Variants in CDH13 observed in about 807,000 individuals in gnomAD.
CDH13 encodes the protein cadherin 13.
CDH13 carries 24 observed loss-of-function variants against 63.8 expected under a neutral mutation model. The ratio of observed to expected loss-of-function variants is 0.38; its 90% CI spans 0.27 to 0.53. The LOEUF (loss-of-function observed/expected upper bound fraction) is 0.53, where lower values mean the gene tolerates loss of function less well. CDH13 is among the 20% of genes least tolerant of loss of function. The pLI is 0.85. For missense variants in CDH13, 1,049 were observed against 903.1 expected (o/e 1.16, Z -2.07); for synonymous variants, 503 against 355.3 (o/e 1.42, Z -4.67).
chr16:83,187,848 G>C (rs1444457417), intron 4 of CDH13, among the ~76,000 whole-genome samples: 1 of 152,156 alleles, frequency 6.6e-6, no homozygotes, highest in African/African-American at 2.4e-5. Flanking sequence ...TCAATGGCTA[G>C]AGATGAGAGT....
At chr16:83,003,099 G>C (rs1284819639) in intron 2 of CDH13, among the ~76,000 whole-genome samples, 1 of 152,148 alleles carries the variant, frequency 6.6e-6, no homozygotes, top group South Asian at 2.1e-4. Context: ...GCCAACCCCA[G>C]TGTCCTTTCC....
At chr16:83,317,278 C>G (rs1020461743) in intron 5 of CDH13, among the ~76,000 whole-genome samples, 2 of 152,234 alleles carry the variant, frequency 1.3e-5, no homozygotes, top group African/African-American at 4.8e-5. Context: ...GGCATGGCAT[C>G]TTACCAGCAA....
chr16:82,931,703 C>T (rs1204291759), intron 2 of CDH13, among the ~76,000 whole-genome samples: 1 of 152,088 alleles, frequency 6.6e-6, no homozygotes, highest in Non-Finnish European at 1.5e-5. Context: ...ACTTACATGG[C>T]AGCAGACAAG....
intron 1 of CDH13, among the ~76,000 whole-genome samples, chr16:82,675,357 A>G (rs1404466181): frequency 6.6e-6 from 1 of 152,180 alleles, no homozygotes; most frequent in Non-Finnish European, 1.5e-5. Flanking sequence ...ACCAATGGGG[A>G]CTGAAGAAAA....
At chr16:82,713,827 A>G (rs923713017) in intron 1 of CDH13, among the ~76,000 whole-genome samples, 3 of 151,742 alleles carry the variant, frequency 2.0e-5, no homozygotes, top group Admixed American at 1.3e-4. Context: ...CAAACAAAAA[A>G]AAAGGAAAAC....
chr16:83,618,419 CAAAA>C (rs563377656), intron 8 of CDH13, among the ~76,000 whole-genome samples: 2 of 99,056 alleles, frequency 2.0e-5, no homozygotes, highest in Admixed American at 1.0e-4. Context: ...AGAGAGACTC[CAAAA>C]AAAAAAAAAA....
At chr16:83,107,961 G>T (rs1391133883) in intron 3 of CDH13, among the ~76,000 whole-genome samples, 1 of 151,850 alleles carries the variant, frequency 6.6e-6, no homozygotes, top group Non-Finnish European at 1.5e-5. Context: ...AGGAATTACA[G>T]GTGCCTGCCA....
rs574783080 is a variant in CDH13, at chr16:83,227,175, G to A, written c.636+9678G>A. On this transcript the variant is annotated intron_variant, in intron 5 of 13. Coordinates refer to ENST00000567109, the MANE Select transcript of CDH13 (RefSeq NM_001257.5). ...ATCACAAACGATTGGGTCAGAACCC[G>A]GATGCAAGCACCACAGCTATGGGAA... is the stretch of plus-strand genomic sequence containing the variant. Among the ~76,000 whole-genome samples the A allele has an allele frequency of 6.6e-5, 10 of 152,330 alleles. No individual in the cohort carries two copies. The South Asian group carries it at 1.7e-3, about 25-fold the overall frequency.
intron 1 of CDH13, among the ~76,000 whole-genome samples, chr16:82,685,226 C>G (rs1914942424): frequency 2.0e-5 from 3 of 152,214 alleles, no homozygotes. Flanking sequence ...ATGCTCATTT[C>G]ACAGTTCTGG....
intron 2 of CDH13, among the ~76,000 whole-genome samples, chr16:82,988,958 T>C (rs1297934224): frequency 6.6e-6 from 1 of 152,172 alleles, no homozygotes; most frequent in Admixed American, 6.5e-5. Flanking sequence ...TTTCTTTTTA[T>C]ATCTCCAGTG....
intron 2 of CDH13, among the ~76,000 whole-genome samples, chr16:82,886,932 A>G (rs2040909065): frequency 6.6e-6 from 1 of 152,164 alleles, no homozygotes; most frequent in Admixed American, 6.5e-5. Flanking sequence ...TGTAGTGGAT[A>G]ACTACTCCAT....
chr16:83,158,751 G>T (rs1215867032), intron 4 of CDH13, among the ~76,000 whole-genome samples: 1 of 152,192 alleles, frequency 6.6e-6, no homozygotes, highest in Admixed American at 6.5e-5. Flanking sequence ...ACCCTTGCTC[G>T]AGTCACTGAG....
At chr16:83,722,444 A>G (rs1216819331) in intron 10 of CDH13, among the ~76,000 whole-genome samples, 1 of 152,202 alleles carries the variant, frequency 6.6e-6, no homozygotes, top group Non-Finnish European at 1.5e-5. Context: ...GTAGCTGTGC[A>G]TTCAGTGACA....
chr16:83,160,326 A>G (rs772950742), intron 4 of CDH13, among the ~76,000 whole-genome samples: 5 of 152,132 alleles, frequency 3.3e-5, no homozygotes, highest in African/African-American at 4.8e-5. Flanking sequence ...TTTCAATTTT[A>G]TTATAAACCT....
At chr16:83,724,426 AGGAATGCATGGGTGGATGAT>A (rs202088312) in intron 10 of CDH13, among the ~76,000 whole-genome samples, 2 of 149,148 alleles carry the variant, frequency 1.3e-5, no homozygotes, top group South Asian at 2.1e-4. Flanking sequence ...TAGGTGAGTG[AGGAATGCATGGGTGGATGAT>A]GAATGCATGG....
chr16:83,284,897 G>C (rs2089270062), intron 5 of CDH13, among the ~76,000 whole-genome samples: 1 of 152,122 alleles, frequency 6.6e-6, no homozygotes, highest in Non-Finnish European at 1.5e-5. Context: ...TTGTAATAAA[G>C]TGAACAAACT....
chr16:82,982,636 A>G (rs117213159), intron 2 of CDH13, among the ~76,000 whole-genome samples: 2,823 of 152,196 alleles, frequency 0.019, 33 homozygotes, highest in Non-Finnish European at 0.028. Context: ...CCCCCCAACT[A>G]TTTGCCATTG....
chr16:83,230,694 G>A (rs2039976663), intron 5 of CDH13, among the ~76,000 whole-genome samples: 1 of 152,176 alleles, frequency 6.6e-6, no homozygotes, highest in South Asian at 2.1e-4. Context: ...GGCTGAGGCA[G>A]GAGAATCGTT....
At chr16:83,267,893 G>C (rs765506499) in intron 5 of CDH13, among the ~76,000 whole-genome samples, 10 of 152,186 alleles carry the variant, frequency 6.6e-5, no homozygotes, top group Non-Finnish European at 1.2e-4. Flanking sequence ...CCACACATGT[G>C]CTCTCATACC....
Sources: gnomAD v4.1 joint callset for allele counts (sites outside exome capture counted in the v4.1 genomes callset) on GRCh38, gnomAD v4.1.1 for gene constraint, MANE v1.5 for transcripts, NCBI Gene and HGNC (gene_info 2026-07-23, HGNC 2026-07-21) for gene names.